Variants in PCDHGB2 observed in about 807,000 individuals in gnomAD.
PCDHGB2 encodes the protein protocadherin gamma subfamily B, 2.
In PCDHGB2, 55 loss-of-function variants were observed where a neutral mutation model predicts 59.3. The ratio of observed to expected loss-of-function variants is 0.93; its 90% CI spans 0.75 to 1.16. The LOEUF (loss-of-function observed/expected upper bound fraction) is 1.16. Ranked by LOEUF, PCDHGB2 falls within the 50% of genes most tolerant of loss-of-function variation. The pLI is 0.00. For synonymous variants in PCDHGB2, 516 were observed against 512.0 expected, an observed-to-expected ratio of 1.01 and a Z score of -0.11; for missense variants, 1,228 against 1,198.5, an observed-to-expected ratio of 1.02 and a Z score of -0.36.
At chr5:141,364,134 A>G (rs1204922950) in intron 1 of PCDHGB2, 1 of 488,948 alleles carries the variant, frequency 2.0e-6, no homozygotes, top group African/African-American at 2.0e-5. Flanking sequence ...GCTGTTGACC[A>G]AAGTGGGAAA....
intron 1 of PCDHGB2, among the ~76,000 whole-genome samples, chr5:141,474,102 AAAC>A (rs909174523): frequency 2.6e-4 from 40 of 152,286 alleles, no homozygotes; most frequent in African/African-American, 8.7e-4. Flanking sequence ...ACAACAACAA[AAAC>A]AACAACAACG....
rs1227250624 is a variant in PCDHGB2, at chr5:141,409,019, G to A, written c.2421+46463G>A. 4 of 1,613,996 alleles carry A rather than the reference G, an allele frequency of 2.5e-6. 1 individual carries two copies. Among genetic ancestry groups the A allele is most frequent in the Middle Eastern group, 3.3e-4 (2 of 6,062 alleles). On this transcript the variant is annotated intron_variant, in intron 1 of 3. Coordinates refer to ENST00000522605, the MANE Select transcript of PCDHGB2 (RefSeq NM_018923.3). ...GACAGCCACTGACCAGGATGAGGGG[G>A]TCAATGCTGAGATAAACTACTACTT...
intron 1 of PCDHGB2, chr5:141,430,634 C>G: frequency 1.1e-6 from 1 of 882,730 alleles, no homozygotes; most frequent in Non-Finnish European, 1.7e-6. Flanking sequence ...TGAACCATCC[C>G]TGGGAGTATG....
intron 1 of PCDHGB2, chr5:141,413,400 G>C: frequency 6.2e-7 from 1 of 1,614,060 alleles, no homozygotes; most frequent in Non-Finnish European, 8.5e-7. Context: ...CCAGAGGTAG[G>C]ACGCAGCTTT....
intron 1 of PCDHGB2, chr5:141,423,800 T>C: frequency 1.6e-5 from 14 of 895,104 alleles, no homozygotes; most frequent in East Asian, 1.3e-4. Context: ...TTTAGAGCAA[T>C]ACATGTGAGT....
intron 1 of PCDHGB2, chr5:141,418,432 T>C (rs954268296): frequency 1.9e-6 from 3 of 1,613,838 alleles, no homozygotes; most frequent in African/African-American, 1.3e-5. Context: ...GTGGCAAATA[T>C]CCAGAATTAG....
In PCDHGB2 at chr5:141,477,200, C is replaced by A; in HGVS notation, c.2422-17607C>A. On this transcript the variant is annotated intron_variant, in intron 1 of 3. Transcript: ENST00000522605. The surrounding 1 kb of genome is among the most constrained non-coding windows in gnomAD (Gnocchi z 4.9). The stretch of plus-strand genomic sequence containing the variant: ...AGTCACCTCCGTGTACAGCCCAGTA[C>A]CCGAGGATGCCCCTCTGGGGACTGT... 6.2e-7 allele frequency: 1 copy of A among 1,614,206 alleles called. No homozygotes were observed. Among genetic ancestry groups the A allele is most frequent in the South Asian group, 1.1e-5 (1 of 91,088 alleles).
At chr5:141,441,073 G>A (rs1591647632) in intron 1 of PCDHGB2, 1 of 152,152 alleles carries the variant, frequency 6.6e-6, no homozygotes, top group Non-Finnish European at 1.5e-5. Flanking sequence ...AATTTCCATG[G>A]TTTTGGTAGC....
chr5:141,415,277 T>A lies in PCDHGB2; in HGVS notation c.2421+52721T>A, dbSNP rs533281226. 42 of 1,614,216 alleles carry A rather than the reference T, an allele frequency of 2.6e-5. No individual in the cohort carries two copies. In the South Asian group the frequency reaches 4.4e-4, roughly 17 times the overall value. On this transcript the variant is annotated intron_variant, in intron 1 of 3. Coordinates refer to ENST00000522605, the MANE Select transcript of PCDHGB2 (RefSeq NM_018923.3). Reference sequence around the variant, plus strand: ...CTCACTCTGTACCTGGTGGTAGCGGTGGCCGCGGTCTCCTGCGTCTTCCTG... The same window carrying A: ...CTCACTCTGTACCTGGTGGTAGCGGAGGCCGCGGTCTCCTGCGTCTTCCTG...
At chr5:141,498,338 G>A (rs2237079) in intron 2 of PCDHGB2, among the ~76,000 whole-genome samples, 68,665 of 151,630 alleles carry the variant, frequency 0.45, 15,766 homozygotes, top group Admixed American at 0.55. Flanking sequence ...CATTCCAAAT[G>A]GGAAAAGCCT....
At chr5:141,416,387 A>T (rs1229066765) in intron 1 of PCDHGB2, 1 of 152,190 alleles carries the variant, frequency 6.6e-6, no homozygotes, top group Admixed American at 6.5e-5. Context: ...AATATTTGGG[A>T]TTCTGCTTTT....
At chr5:141,414,681 G>T (rs780836649) in intron 1 of PCDHGB2, 2 of 1,613,836 alleles carry the variant, frequency 1.2e-6, no homozygotes, top group Non-Finnish European at 8.5e-7. Flanking sequence ...CCATCCAGGG[G>T]GTACCTCTGT....
chr5:141,485,095 TC>T lies in PCDHGB2; in HGVS notation c.2422-9710del, dbSNP rs1040164730. ...GCGCGGGGAAAGGGAGATAGGTGTCTCCAGCTGCTGTGGCTGTTTGGGGCGG... is the reference window on the plus strand; with the variant it reads ...GCGCGGGGAAAGGGAGATAGGTGTCTCAGCTGCTGTGGCTGTTTGGGGCGG... On this transcript the variant is annotated intron_variant, in intron 1 of 3. Coordinates refer to ENST00000522605, the MANE Select transcript of PCDHGB2 (RefSeq NM_018923.3). This position sits in a 1 kb window ranked among gnomAD's most constrained non-coding sequence, Gnocchi z 5.7. 6.8e-5 allele frequency: 76 copies of T among 1,115,798 alleles called. No homozygotes were observed. Among genetic ancestry groups the T allele is most frequent in the South Asian group, 4.6e-4 (33 of 71,042 alleles). The allele number at this position is 1,115,798 out of a possible 1,614,324, so 69.1% of individuals were successfully genotyped here. A position where few individuals can be genotyped will look rare whatever the true frequency, so the allele number is the denominator to read the frequency against.
At chr5:141,405,448 CT>C in intron 1 of PCDHGB2, 1 of 1,314,740 alleles carries the variant, frequency 7.6e-7, no homozygotes, top group Non-Finnish European at 1.1e-6. Flanking sequence ...GAGACAGAGT[CT>C]TACTCTGTTA....
At chr5:141,392,571 G>A (rs920993262) in intron 1 of PCDHGB2, 5 of 449,626 alleles carry the variant, frequency 1.1e-5, no homozygotes, top group African/African-American at 1.0e-4. Flanking sequence ...TAACTATTTA[G>A]GACTGTAAGC....
Position 141,362,519 on chromosome 5 carries a change from C to G in PCDHGB2, c.2384C>G (p.Ala795Gly). The change falls in exon 1 of 4, where the codon GCC becomes GGC. Residue 795 changes from alanine to glycine, a missense_variant. Around this residue, in one of 3 missense-constraint regions of PCDHGB2, gnomAD observed 433 missense variants for 441.8 expected, o/e 0.98. Transcript: ENST00000522605. ...TGGGAACAAAATACAAATCATGGAG[C>G]CGCTGGGGTCCCTTTTGCCTCAGAT... ...ASWEQNTNHGAAGVPFASDTI... is the reference protein window; with the variant it reads ...ASWEQNTNHGGAGVPFASDTI... The G allele has an allele frequency of 1.2e-6, 2 of 1,613,948 alleles. No homozygotes were observed. The highest frequency in any genetic ancestry group is 1.1e-5 in the South Asian group (1 of 91,074).
At chr5:141,509,631 C>A (rs1250891268) in intron 3 of PCDHGB2, among the ~76,000 whole-genome samples, 1 of 152,200 alleles carries the variant, frequency 6.6e-6, no homozygotes, top group East Asian at 1.9e-4. Flanking sequence ...CTGGGTGATG[C>A]TGAGCCAGGG....
chr5:141,368,427 C>T (rs1228865676), intron 1 of PCDHGB2, among the ~76,000 whole-genome samples: 1 of 151,790 alleles, frequency 6.6e-6, no homozygotes, highest in Non-Finnish European at 1.5e-5. Context: ...ACATTCTGAC[C>T]AAAATGTAAA....
intron 1 of PCDHGB2, chr5:141,405,510 C>T: frequency 1.4e-6 from 1 of 732,922 alleles, no homozygotes; most frequent in Non-Finnish European, 2.2e-6. Context: ...ACCTCCGCCT[C>T]CCAAATTCAA....
Sources: gnomAD v4.1 joint callset for allele counts (sites outside exome capture counted in the v4.1 genomes callset) on GRCh38, gnomAD v4.1.1 for gene constraint, gnomAD v4.1.1 regional missense constraint, Gnocchi (gnomAD v3.1) non-coding constraint, MANE v1.5 for transcripts, NCBI Gene and HGNC (gene_info 2026-07-23, HGNC 2026-07-21) for gene names.